The following TAFA1 variants were observed in gnomAD, a reference collection of about 807,000 sequenced individuals.
TAFA1 encodes chemokine-like protein TAFA-1.
In TAFA1, 4 loss-of-function variants were observed where a neutral mutation model predicts 18.5. The observed-to-expected ratio is 0.22, with a 90% CI of 0.11 to 0.49. The LOEUF (loss-of-function observed/expected upper bound fraction) is 0.49, where lower values mean the gene tolerates loss of function less well. Ranked by LOEUF, TAFA1 falls within the 20% of genes least tolerant of loss-of-function variation. The pLI, the probability that TAFA1 is intolerant of heterozygous loss-of-function variation, is 0.98. For synonymous variants in TAFA1, 56 were observed against 55.2 expected (o/e 1.01, Z -0.06); for missense variants, 147 against 169.0 (o/e 0.87, Z 0.72).
At chr3:68,368,878 G>C (rs2069625260) in intron 2 of TAFA1, among the ~76,000 whole-genome samples, 1 of 152,156 alleles carries the variant, frequency 6.6e-6, no homozygotes, top group African/African-American at 2.4e-5. Context: ...GCTTATACCA[G>C]TATTTCTTTC....
intron 2 of TAFA1, among the ~76,000 whole-genome samples, chr3:68,050,493 T>C (rs1286288453): frequency 6.6e-6 from 1 of 152,138 alleles, no homozygotes. Context: ...CACGTAATGA[T>C]ACTTCACTGA....
chr3:68,163,612 C>G (rs2065950525), intron 2 of TAFA1, among the ~76,000 whole-genome samples: 1 of 152,162 alleles, frequency 6.6e-6, no homozygotes, highest in Admixed American at 6.5e-5. Context: ...TCTATCATGG[C>G]ATAATTCACC....
chr3:68,323,051 A>G (rs1289286568), intron 2 of TAFA1, among the ~76,000 whole-genome samples: 1 of 152,192 alleles, frequency 6.6e-6, no homozygotes, highest in Admixed American at 6.5e-5. Flanking sequence ...CATAATCACA[A>G]TTGCTGAAAA....
At chr3:68,439,412 C>CATATATATATATATAGATAT (rs2071328146) in intron 3 of TAFA1, among the ~76,000 whole-genome samples, 1 of 73,462 alleles carries the variant, frequency 1.4e-5, no homozygotes, top group African/African-American at 7.1e-5. Context: ...TATATACATA[C>CATATATATATATATAGATAT]ATATATATAT....
intron 3 of TAFA1, among the ~76,000 whole-genome samples, chr3:68,442,784 G>A (rs74538403): frequency 6.6e-6 from 1 of 152,264 alleles, no homozygotes; most frequent in African/African-American, 2.4e-5. Context: ...TTTAGTGCCT[G>A]CAGAAAAGAA....
intron 3 of TAFA1, among the ~76,000 whole-genome samples, chr3:68,449,767 T>G (rs2071538265): frequency 6.6e-6 from 1 of 152,192 alleles, no homozygotes; most frequent in African/African-American, 2.4e-5. Context: ...TCATCAAGCT[T>G]AAAGCACATT....
intron 2 of TAFA1, among the ~76,000 whole-genome samples, chr3:68,270,256 G>T (rs149961994): frequency 6.6e-4 from 100 of 152,244 alleles, no homozygotes; most frequent in African/African-American, 2.2e-3. Context: ...GGTTGAAATG[G>T]TGGGTACTCA....
At chr3:68,079,936 G>T (rs2064875364) in intron 2 of TAFA1, among the ~76,000 whole-genome samples, 1 of 151,924 alleles carries the variant, frequency 6.6e-6, no homozygotes, top group South Asian at 2.1e-4. Flanking sequence ...CATTATTAAT[G>T]TGTGGGAGTC....
intron 2 of TAFA1, among the ~76,000 whole-genome samples, chr3:68,110,776 C>T (rs73834830): frequency 0.016 from 2,432 of 152,090 alleles, 72 homozygotes; most frequent in African/African-American, 0.056. Context: ...CTAAAAGAGG[C>T]GGTTCTTTGG....
intron 3 of TAFA1, among the ~76,000 whole-genome samples, chr3:68,486,995 A>C (rs2072354996): frequency 6.6e-6 from 1 of 152,226 alleles, no homozygotes; most frequent in Admixed American, 6.5e-5. Context: ...GATAAAATGA[A>C]ATCAAATACC....
chr3:68,297,736 ATTT>A (rs374934858), intron 2 of TAFA1, among the ~76,000 whole-genome samples: 3 of 145,704 alleles, frequency 2.1e-5, no homozygotes, highest in Admixed American at 6.9e-5. Context: ...CTGATCATTC[ATTT>A]TTTTTTTTTA....
At chr3:68,464,186 T>C (rs1424515274) in intron 3 of TAFA1, among the ~76,000 whole-genome samples, 2 of 152,220 alleles carry the variant, frequency 1.3e-5, no homozygotes, top group Non-Finnish European at 2.9e-5. Flanking sequence ...ACTGGTCTAT[T>C]TGCTGGAGCT....
chr3:68,541,937 A>G (rs2073383565), intron 4 of TAFA1, among the ~76,000 whole-genome samples: 1 of 152,166 alleles, frequency 6.6e-6, no homozygotes, highest in Non-Finnish European at 1.5e-5. Flanking sequence ...TTTTTAAGGA[A>G]GGTGAAGAGT....
At chr3:68,057,158 C>A (rs766951199) in intron 2 of TAFA1, among the ~76,000 whole-genome samples, 11 of 152,170 alleles carry the variant, frequency 7.2e-5, no homozygotes, top group African/African-American at 2.7e-4. Context: ...ATATTTCACC[C>A]TCTTGAATTG....
At chr3:68,095,725 A>G (rs1177130029) in intron 2 of TAFA1, among the ~76,000 whole-genome samples, 1 of 152,168 alleles carries the variant, frequency 6.6e-6, no homozygotes, top group African/African-American at 2.4e-5. Context: ...TTTATTGAGC[A>G]CTTACTTACT....
chr3:68,236,941 G>A (rs966335410), intron 2 of TAFA1, among the ~76,000 whole-genome samples: 4 of 152,124 alleles, frequency 2.6e-5, no homozygotes, highest in Non-Finnish European at 5.9e-5. Flanking sequence ...CTTCAACAAA[G>A]ATCTCAGACA....
intron 3 of TAFA1, among the ~76,000 whole-genome samples, chr3:68,491,518 C>T (rs1271478913): frequency 8.2e-6 from 1 of 122,024 alleles, no homozygotes; most frequent in Admixed American, 1.2e-4. Context: ...GGAAGGGGAA[C>T]ATCACACTCT....
chr3:68,227,545 T>C (rs760072729), intron 2 of TAFA1, among the ~76,000 whole-genome samples: 14 of 152,188 alleles, frequency 9.2e-5, no homozygotes, highest in Non-Finnish European at 1.5e-4. Context: ...AATGACACTT[T>C]CCATGTAGCA....
At chr3:68,531,459 CTGGGTGGT>C (rs1489158960) in intron 3 of TAFA1, among the ~76,000 whole-genome samples, 2 of 152,014 alleles carry the variant, frequency 1.3e-5, no homozygotes, top group Non-Finnish European at 2.9e-5. Context: ...TGGCTTACTT[CTGGGTGGT>C]TGTGTCCCAT....
Sources: allele counts gnomAD v4.1 joint callset (sites outside exome capture counted in the v4.1 genomes callset), GRCh38; gene constraint gnomAD v4.1.1; transcripts MANE v1.5; gene names NCBI Gene and HGNC (gene_info 2026-07-23, HGNC 2026-07-21).